ANKRD55: variants seen among roughly 807,000 people sequenced by gnomAD.
The protein encoded by ANKRD55 is ankyrin repeat domain-containing protein 55.
In ANKRD55, 41 loss-of-function variants were observed where a neutral mutation model predicts 60.6. The ratio of observed to expected loss-of-function variants is 0.68; its 90% CI spans 0.53 to 0.88. The LOEUF is 0.88. Among genes scored for constraint, ANKRD55 ranks in the 40% least tolerant of loss-of-function variants. The probability of loss-of-function intolerance (pLI) is 0.00; values close to 1 mark genes in which losing one functional copy is unlikely to be tolerated. For missense variants in ANKRD55, 732 were observed against 767.6 expected, an observed-to-expected ratio of 0.95 and a Z score of 0.55; for synonymous variants, 264 against 290.3, an observed-to-expected ratio of 0.91 and a Z score of 0.92.
rs11283204 is a variant in ANKRD55 at position 56,166,154 on chromosome 5, C to CTTTCTTTCTTTCTTTCTTCT, written c.422+4539_422+4540insAGAAGAAAGAAAGAAAGAAA. Among the ~76,000 whole-genome samples the CTTTCTTTCTTTCTTTCTTCT allele has an allele frequency of 7.6e-4, 54 of 71,486 alleles. 1 individual carries two copies. Among genetic ancestry groups the CTTTCTTTCTTTCTTTCTTCT allele is most frequent in the African/African-American group, 3.1e-3 (42 of 13,596 alleles). 46.9% of individuals were successfully genotyped at this position (71,486 alleles called of 152,430 possible). On this transcript the variant is annotated intron_variant, in intron 5 of 11. Transcript: ENST00000341048. ...TCTTTCTTTCTTTCTTTCTTTCTTT[C>CTTTCTTTCTTTCTTTCTTCT]TTCTTTCCTTCCTTCCTTCCTTCCT...
Position 56,137,246 on chromosome 5 carries a change from T to A in ANKRD55, c.612+6555A>T, listed in dbSNP as rs1480348733. On this transcript the variant is annotated intron_variant, in intron 7 of 11. Transcript: ENST00000341048. ...GGTGGCCCAAAAAGAGTGCTGAATT[T>A]TTGCTGCACATGCTTAAAAATGCAG... The A allele has an allele frequency of 7.5e-6, 12 of 1,605,872 alleles. No individual in the cohort carries two copies. In the East Asian group the frequency reaches 2.7e-4, roughly 36 times the overall value.
intron 7 of ANKRD55, among the ~76,000 whole-genome samples, chr5:56,142,441 T>G (rs1757797406): frequency 6.6e-6 from 1 of 152,204 alleles, no homozygotes; most frequent in Admixed American, 6.5e-5. Context: ...CTGCTGGTGA[T>G]TCCATCGCAA....
At chr5:56,104,876 G>T (rs764453650) in intron 10 of ANKRD55, among the ~76,000 whole-genome samples, 2 of 152,074 alleles carry the variant, frequency 1.3e-5, no homozygotes, top group African/African-American at 2.4e-5. Flanking sequence ...GCAGAGGAAG[G>T]AATGGTCCAG....
chr5:56,206,616 C>A (rs1759516041), intron 2 of ANKRD55, among the ~76,000 whole-genome samples: 1 of 152,080 alleles, frequency 6.6e-6, no homozygotes, highest in Non-Finnish European at 1.5e-5. Context: ...TTTCATAGTG[C>A]ATAGTTGTGT....
chr5:56,206,932 G>A (rs1372520349), intron 2 of ANKRD55, among the ~76,000 whole-genome samples: 5 of 152,282 alleles, frequency 3.3e-5, no homozygotes, highest in Admixed American at 2.0e-4. Flanking sequence ...CTGGTGGACC[G>A]GCTAGCAGTG....
rs755280412 is a variant in ANKRD55 at position 56,183,551 on chromosome 5, G to A, written c.142C>T (p.Arg48Trp). ...GDVNALTAVIREDPSILECCD... is the reference protein window; with the variant it reads ...GDVNALTAVIWEDPSILECCD... ...CATTCTAGGATAGAAGGGTCTTCCC[G>A]AATCACTGCAGTCAGAGCATTGACA... The change falls in exon 3 of 12, where the codon CGG becomes TGG. Residue 48 changes from arginine (R) to tryptophan (W), a missense_variant. Arg to Trp is a moderately radical substitution (Grantham distance 101). This residue lies in a region of ANKRD55 where 131 missense variants were observed against 142.7 expected (regional missense o/e 0.92). Transcript: ENST00000341048. 5 of 1,614,114 alleles carry A rather than the reference G, an allele frequency of 3.1e-6. No homozygotes were observed. The highest frequency in any genetic ancestry group is 2.2e-5 in the East Asian group (1 of 44,886).
chr5:56,163,636 C>T (rs1258739874), intron 5 of ANKRD55, among the ~76,000 whole-genome samples: 1 of 152,200 alleles, frequency 6.6e-6, no homozygotes, highest in African/African-American at 2.4e-5. Context: ...GTTAGAATCC[C>T]TGCTCCATAC....
intron 2 of ANKRD55, among the ~76,000 whole-genome samples, chr5:56,218,496 A>G (rs1454065832): frequency 2.6e-5 from 4 of 152,234 alleles, no homozygotes; most frequent in Admixed American, 6.5e-5. Flanking sequence ...AAGATGGCTG[A>G]AGGCTCAGAT....
At chr5:56,129,988 G>C (rs1757367668) in intron 7 of ANKRD55, among the ~76,000 whole-genome samples, 1 of 152,142 alleles carries the variant, frequency 6.6e-6, no homozygotes, top group South Asian at 2.1e-4. Context: ...GAATGTTTGA[G>C]GGTTGAGGGT....
chr5:56,223,903 C>T (rs982385273), intron 2 of ANKRD55, among the ~76,000 whole-genome samples: 1 of 152,100 alleles, frequency 6.6e-6, no homozygotes, highest in Non-Finnish European at 1.5e-5. Context: ...CTTTAACACC[C>T]CACTGTCAAC....
At chr5:56,156,147 G>A (rs1247585489) in intron 6 of ANKRD55, among the ~76,000 whole-genome samples, 1 of 152,156 alleles carries the variant, frequency 6.6e-6, no homozygotes, top group African/African-American at 2.4e-5. Context: ...ACACAGGCAA[G>A]CATTAGCAGT....
intron 8 of ANKRD55, among the ~76,000 whole-genome samples, chr5:56,120,958 G>T (rs1191687699): frequency 6.6e-6 from 1 of 151,724 alleles, no homozygotes; most frequent in Non-Finnish European, 1.5e-5. Context: ...CTGGACTCAG[G>T]AGCAAAGGGG....
At chr5:56,167,766 C>G (rs181813630) in intron 5 of ANKRD55, among the ~76,000 whole-genome samples, 3 of 152,326 alleles carry the variant, frequency 2.0e-5, no homozygotes, top group Admixed American at 2.0e-4. Context: ...GAAGCCACAA[C>G]TCTCTGCTCT....
chr5:56,173,571 T>G (rs1758661246), intron 4 of ANKRD55, among the ~76,000 whole-genome samples: 1 of 119,980 alleles, frequency 8.3e-6, no homozygotes, highest in Non-Finnish European at 1.7e-5. Flanking sequence ...TCTCTCTCTC[T>G]CTCTCTCTCT....
Position 56,211,390 on chromosome 5 carries a change from T to C in ANKRD55, c.58+21466A>G, listed in dbSNP as rs141003252. 5.9e-5 allele frequency among the ~76,000 whole-genome samples: 9 copies of C among 152,300 alleles called. No individual in the cohort carries two copies. In the East Asian group the frequency reaches 1.7e-3, roughly 29 times the overall value. On this transcript the variant is annotated intron_variant, in intron 2 of 11. Coordinates refer to ENST00000341048, the MANE Select transcript of ANKRD55 (RefSeq NM_024669.3). Reference sequence around the variant, plus strand: ...GCACTGTGTAAGCACTTCCTAGAAATTGACTCTTTTGATTCTCACTGTATG... The same window carrying C: ...GCACTGTGTAAGCACTTCCTAGAAACTGACTCTTTTGATTCTCACTGTATG...
In ANKRD55 at chr5:56,136,525, T is replaced by G. The variant is rs146486260; in HGVS notation, c.612+7276A>C. On this transcript the variant is annotated intron_variant, in intron 7 of 11. Transcript: ENST00000341048. ...AAGAGGTAGTTGTTTCACCAAATGGTGCTGAAACAACTGGACATCTACATG... is the reference window on the plus strand; with the variant it reads ...AAGAGGTAGTTGTTTCACCAAATGGGGCTGAAACAACTGGACATCTACATG... 9.7e-3 allele frequency among the ~76,000 whole-genome samples: 1,478 copies of G among 152,276 alleles called. 24 individuals are homozygous for G. Among genetic ancestry groups the G allele is most frequent in the African/African-American group, 0.034 (1,408 of 41,554 alleles).
intron 3 of ANKRD55, among the ~76,000 whole-genome samples, chr5:56,180,191 C>T (rs549444705): frequency 2.2e-4 from 33 of 152,266 alleles, no homozygotes; most frequent in African/African-American, 7.7e-4. Flanking sequence ...TACTAACCCA[C>T]TCCCACAATG....
intron 10 of ANKRD55, chr5:56,110,708 C>T (rs945225478): frequency 4.9e-6 from 1 of 205,518 alleles, no homozygotes. Flanking sequence ...CCTGTTCCCT[C>T]ACCAAGATTT....
At position 56,147,562 on chromosome 5, in the gene ANKRD55, C is replaced by T. The variant is rs566362634; in HGVS notation, c.484-3633G>A. 1.9e-4 allele frequency among the ~76,000 whole-genome samples: 29 copies of T among 152,242 alleles called. No individual in the cohort carries two copies. In the South Asian group the frequency reaches 2.1e-3, roughly 11 times the overall value. ...ATACATATTCTCCCACCCAGTTCACCGTCACCACAAAACTTGAGAACATCT... is the reference window on the plus strand; with the variant it reads ...ATACATATTCTCCCACCCAGTTCACTGTCACCACAAAACTTGAGAACATCT... On this transcript the variant is annotated intron_variant, in intron 6 of 11. Coordinates refer to ENST00000341048, the MANE Select transcript of ANKRD55 (RefSeq NM_024669.3).
Sources: gnomAD v4.1 joint callset for allele counts (sites outside exome capture counted in the v4.1 genomes callset) on GRCh38, gnomAD v4.1.1 for gene constraint, gnomAD v4.1.1 regional missense constraint, MANE v1.5 for transcripts, NCBI Gene and HGNC (gene_info 2026-07-23, HGNC 2026-07-21) for gene names.